The following ZNF420 variants were observed in gnomAD, a reference collection of about 807,000 sequenced individuals.
ZNF420 encodes ATM and p53-associated KZNF protein.
Under a neutral mutation model 44.7 loss-of-function variants are expected in ZNF420, and 31 were observed. The observed-to-expected ratio is 0.69, with a 90% CI of 0.52 to 0.94. The LOEUF (loss-of-function observed/expected upper bound fraction) is 0.94, where lower values mean the gene tolerates loss of function less well. Ranked by LOEUF, ZNF420 falls within the 40% of genes least tolerant of loss-of-function variation. The pLI, the probability that ZNF420 is intolerant of heterozygous loss-of-function variation, is 0.00. For synonymous variants in ZNF420, 245 were observed against 267.4 expected (o/e 0.92, Z 0.82); for missense variants, 681 against 827.9 (o/e 0.82, Z 2.18).
At chr19:37,057,770 C>G (rs1036027186) in intron 1 of ZNF420, among the ~76,000 whole-genome samples, 4 of 152,086 alleles carry the variant, frequency 2.6e-5, no homozygotes, top group Non-Finnish European at 4.4e-5. Flanking sequence ...ATCAAGATGA[C>G]CACACTTCAG....
chr19:37,041,552 G>A (rs938079495), intron 1 of ZNF420, among the ~76,000 whole-genome samples: 3 of 152,030 alleles, frequency 2.0e-5, no homozygotes, highest in Admixed American at 2.0e-4. Context: ...TTTGTAATTG[G>A]GAGGAAAAGC....
upstream of ZNF420, among the ~76,000 whole-genome samples, chr19:37,073,464 C>T (rs1968092043): frequency 6.6e-6 from 1 of 152,054 alleles, no homozygotes; most frequent in Admixed American, 6.6e-5. Context: ...CCAGGTTGGG[C>T]GTGGTGGTTC....
chr19:37,008,102 G>A, intron 1 of ZNF420: 1 of 272,552 alleles, frequency 3.7e-6, no homozygotes, highest in African/African-American at 2.3e-5. Flanking sequence ...CCCAAAAGTC[G>A]TGCCCCTGTC....
chr19:37,044,641 G>A (rs371555604), intron 1 of ZNF420, among the ~76,000 whole-genome samples: 14 of 151,970 alleles, frequency 9.2e-5, no homozygotes, highest in East Asian at 1.9e-4. Context: ...TGAGGTGAGC[G>A]GATCACCTGA....
At chr19:37,025,646 C>T (rs890955744) in intron 1 of ZNF420, among the ~76,000 whole-genome samples, 1 of 151,706 alleles carries the variant, frequency 6.6e-6, no homozygotes, top group Non-Finnish European at 1.5e-5. Flanking sequence ...GAAACAGAGG[C>T]ACCAAGATGT....
At chr19:37,098,753 A>G (rs982789941) in intron 4 of ZNF420, among the ~76,000 whole-genome samples, 4 of 152,198 alleles carry the variant, frequency 2.6e-5, no homozygotes, top group African/African-American at 9.6e-5. Flanking sequence ...TTTGTTGACT[A>G]TATAGTCACC....
At chr19:37,073,265 T>A (rs1968089254) in intron 1 of ZNF420, among the ~76,000 whole-genome samples, 1 of 152,228 alleles carries the variant, frequency 6.6e-6, no homozygotes, top group Non-Finnish European at 1.5e-5. Context: ...ATTCATTTTG[T>A]TAATTTAAAA....
intron 1 of ZNF420, among the ~76,000 whole-genome samples, chr19:37,011,882 G>A (rs1437211921): frequency 1.3e-5 from 2 of 152,184 alleles, no homozygotes; most frequent in African/African-American, 2.4e-5. Flanking sequence ...GTGTCTTCTT[G>A]CAGGAGCCCC....
chr19:37,017,613 C>A (rs1437131927), intron 1 of ZNF420, among the ~76,000 whole-genome samples: 3 of 152,126 alleles, frequency 2.0e-5, no homozygotes, highest in African/African-American at 7.2e-5. Context: ...ATTTCAAAAA[C>A]CATTCATGAT....
At chr19:37,010,762 G>A (rs565279635) in intron 1 of ZNF420, among the ~76,000 whole-genome samples, 194 of 152,186 alleles carry the variant, frequency 1.3e-3, no homozygotes, top group South Asian at 5.6e-3. Flanking sequence ...GAGGAGAGGC[G>A]TCGGTCCTGG....
At chr19:37,011,722 G>T (rs2074570556) in intron 1 of ZNF420, among the ~76,000 whole-genome samples, 2 of 152,148 alleles carry the variant, frequency 1.3e-5, no homozygotes, top group Admixed American at 1.3e-4. Flanking sequence ...CACATACCTG[G>T]ACACCATTGT....
At chr19:37,030,091 G>C (rs1967229712) in intron 1 of ZNF420, among the ~76,000 whole-genome samples, 1 of 152,080 alleles carries the variant, frequency 6.6e-6, no homozygotes, top group Non-Finnish European at 1.5e-5. Context: ...TTGTATCTCT[G>C]ACCCACGTGT....
chr19:37,030,940 T>C (rs1198543931), intron 1 of ZNF420, among the ~76,000 whole-genome samples: 1 of 152,188 alleles, frequency 6.6e-6, no homozygotes, highest in Non-Finnish European at 1.5e-5. Context: ...TTTCACTCTT[T>C]TGAGTGAAGT....
At chr19:37,041,613 G>A (rs1469376359) in intron 1 of ZNF420, among the ~76,000 whole-genome samples, 3 of 152,114 alleles carry the variant, frequency 2.0e-5, no homozygotes, top group Non-Finnish European at 4.4e-5. Flanking sequence ...GCCAGGGGAA[G>A]CGATTTTATA....
intron 1 of ZNF420, among the ~76,000 whole-genome samples, chr19:37,049,243 T>G (rs926690502): frequency 3.9e-5 from 6 of 152,174 alleles, no homozygotes; most frequent in Admixed American, 1.3e-4. Flanking sequence ...GTAATGGGAT[T>G]GCTGGGTCAA....
At chr19:37,040,669 T>C (rs190507526) in intron 1 of ZNF420, among the ~76,000 whole-genome samples, 67 of 152,260 alleles carry the variant, frequency 4.4e-4, no homozygotes, top group African/African-American at 1.4e-3. Flanking sequence ...AAAGAGGTTA[T>C]CATAAGATCA....
chr19:37,010,059 C>T (rs1225483083), intron 1 of ZNF420, among the ~76,000 whole-genome samples: 1 of 152,204 alleles, frequency 6.6e-6, no homozygotes, highest in African/African-American at 2.4e-5. Context: ...CACGAGTCGG[C>T]CTAGGCAATG....
intron 4 of ZNF420, among the ~76,000 whole-genome samples, chr19:37,124,202 C>T (rs73618094): frequency 0.019 from 2,942 of 152,252 alleles, 80 homozygotes; most frequent in East Asian, 0.05. Context: ...TATGGCTTTT[C>T]TCACTTAGCA....
intron 1 of ZNF420, among the ~76,000 whole-genome samples, chr19:37,037,884 C>G (rs767973872): frequency 6.6e-5 from 10 of 152,298 alleles, no homozygotes; most frequent in Non-Finnish European, 2.9e-5. Flanking sequence ...TGACCTAGAA[C>G]CAAACCTGTA....
Sources: allele counts gnomAD v4.1 joint callset (sites outside exome capture counted in the v4.1 genomes callset), GRCh38; gene constraint gnomAD v4.1.1; transcripts MANE v1.5; gene names NCBI Gene and HGNC (gene_info 2026-07-23, HGNC 2026-07-21).